The following PARD3 variants were observed in gnomAD, a reference collection of about 807,000 sequenced individuals.
PARD3 encodes par-3 family cell polarity regulator.
A neutral mutation model predicts 155.4 loss-of-function variants in PARD3; 75 were observed. The observed-to-expected ratio is 0.48, with a 90% CI of 0.40 to 0.58. The LOEUF (loss-of-function observed/expected upper bound fraction) is 0.58. Among genes scored for constraint, PARD3 ranks in the 20% least tolerant of loss-of-function variants. PARD3 has a pLI of 0.00. For synonymous variants in PARD3, 576 were observed against 610.5 expected (o/e 0.94, Z 0.83); for missense variants, 1,642 against 1,721.7 (o/e 0.95, Z 0.82).
chr10:34,419,801 T>C (rs1395318057), intron 5 of PARD3, among the ~76,000 whole-genome samples: 3 of 152,230 alleles, frequency 2.0e-5, no homozygotes, highest in African/African-American at 7.2e-5. Flanking sequence ...TATTATTTTA[T>C]ACATAGGACA....
At chr10:34,635,422 G>A (rs1296315649) in intron 2 of PARD3, among the ~76,000 whole-genome samples, 1 of 152,162 alleles carries the variant, frequency 6.6e-6, no homozygotes, top group Admixed American at 6.5e-5. Context: ...TCCCCACATG[G>A]GAAAGTTTCT....
intron 3 of PARD3, among the ~76,000 whole-genome samples, chr10:34,472,945 C>T (rs1223248145): frequency 6.6e-6 from 1 of 152,156 alleles, no homozygotes; most frequent in Non-Finnish European, 1.5e-5. Context: ...TGTTAGTCTG[C>T]AACAGACAGA....
chr10:34,517,063 C>T lies in PARD3; in HGVS notation c.319G>A (p.Glu107Lys), dbSNP rs1412772209. 6.8e-6 allele frequency: 11 copies of T among 1,614,084 alleles called. No homozygotes were observed. Among genetic ancestry groups the T allele is most frequent in the Non-Finnish European group, 9.3e-6 (11 of 1,180,032 alleles). The change falls in exon 3 of 25, where the codon GAG (glutamate) becomes AAG (lysine). Residue 107 changes from glutamate to lysine, a missense_variant. Glu to Lys is a moderately conservative substitution (Grantham distance 56). This residue lies in a region of PARD3 where 1,529 missense variants were observed against 1,587.3 expected (regional missense o/e 0.96). Coordinates refer to ENST00000374788, the MANE Select transcript of PARD3 (RefSeq NM_001184785.2). ...GTQSPEIFGS[E>K]LGTNNVSAFQ... ...GCTGAGACATTGTTGGTGCCAAGCT[C>T]ACTACCAAATATCTCTGGGCTCTGG...
chr10:34,214,463 C>T (rs954866553), intron 22 of PARD3, among the ~76,000 whole-genome samples: 2 of 152,056 alleles, frequency 1.3e-5, no homozygotes. Flanking sequence ...TGGTGATGCC[C>T]GTTTCTGGGC....
chr10:34,437,797 G>A (rs912454314), intron 5 of PARD3, among the ~76,000 whole-genome samples: 5 of 152,068 alleles, frequency 3.3e-5, no homozygotes, highest in African/African-American at 4.8e-5. Flanking sequence ...CAAATGGTTT[G>A]TTCAAATATT....
At chr10:34,776,160 G>T (rs1839504952) in intron 1 of PARD3, among the ~76,000 whole-genome samples, 1 of 152,138 alleles carries the variant, frequency 6.6e-6, no homozygotes, top group African/African-American at 2.4e-5. Context: ...AAAAAGAATT[G>T]ATCAGTTAGG....
chr10:34,769,208 T>C (rs867208882), intron 1 of PARD3, among the ~76,000 whole-genome samples: 2 of 152,206 alleles, frequency 1.3e-5, no homozygotes, highest in Admixed American at 6.5e-5. Context: ...TCTAGGATGC[T>C]GGCAGACCTC....
chr10:34,586,704 T>C (rs989533285), intron 2 of PARD3, among the ~76,000 whole-genome samples: 14 of 152,182 alleles, frequency 9.2e-5, no homozygotes, highest in African/African-American at 3.4e-4. Flanking sequence ...CCCAACACTT[T>C]GGGAGGCCGA....
chr10:34,307,897 A>G (rs1369860738), intron 20 of PARD3, among the ~76,000 whole-genome samples: 1 of 152,208 alleles, frequency 6.6e-6, no homozygotes, highest in African/African-American at 2.4e-5. Context: ...TAGCTCAGGT[A>G]GGAGTGCAAA....
At chr10:34,448,327 G>GA (rs34058630) in intron 5 of PARD3, among the ~76,000 whole-genome samples, 45,239 of 144,240 alleles carry the variant, frequency 0.31, 7,032 homozygotes, top group East Asian at 0.43. Context: ...TGGAATCTTG[G>GA]AAAAAAAAAA....
chr10:34,597,739 G>A (rs954268377), intron 2 of PARD3, among the ~76,000 whole-genome samples: 1 of 152,206 alleles, frequency 6.6e-6, no homozygotes, highest in African/African-American at 2.4e-5. Flanking sequence ...GATCGGAAGA[G>A]GAGAAGATGA....
At chr10:34,663,652 G>C (rs930791611) in intron 2 of PARD3, among the ~76,000 whole-genome samples, 4 of 152,136 alleles carry the variant, frequency 2.6e-5, no homozygotes, top group African/African-American at 7.2e-5. Context: ...AGATGGAGCT[G>C]ACAGGCCCAC....
chr10:34,457,865 T>C (rs1323737722), intron 4 of PARD3, among the ~76,000 whole-genome samples: 1 of 152,138 alleles, frequency 6.6e-6, no homozygotes, highest in Admixed American at 6.5e-5. Flanking sequence ...CCTCCCAAAG[T>C]ATGGAATTAT....
At chr10:34,401,039 C>A (rs1289128893) in intron 6 of PARD3, among the ~76,000 whole-genome samples, 2 of 152,116 alleles carry the variant, frequency 1.3e-5, no homozygotes, top group African/African-American at 4.8e-5. Flanking sequence ...CAGCATCTGA[C>A]TCTAGTGCCT....
chr10:34,691,662 G>A (rs938103168), intron 2 of PARD3, among the ~76,000 whole-genome samples: 5 of 152,174 alleles, frequency 3.3e-5, no homozygotes, highest in Non-Finnish European at 5.9e-5. Context: ...GAACAAAGCT[G>A]GAGGCATCAC....
intron 14 of PARD3, among the ~76,000 whole-genome samples, chr10:34,355,937 A>AC (rs1564622351): frequency 4.5e-4 from 60 of 132,058 alleles, no homozygotes; most frequent in African/African-American, 2.2e-3. Flanking sequence ...AAAAAAAAAA[A>AC]AAAAAAAAAC....
At chr10:34,688,889 C>T (rs1026270655) in intron 2 of PARD3, among the ~76,000 whole-genome samples, 7 of 152,286 alleles carry the variant, frequency 4.6e-5, no homozygotes, top group African/African-American at 7.2e-5. Flanking sequence ...AAATTCACAA[C>T]GACCAAGTAT....
chr10:34,780,179 T>C (rs1379768277), intron 1 of PARD3, among the ~76,000 whole-genome samples: 1 of 152,240 alleles, frequency 6.6e-6, no homozygotes, highest in Non-Finnish European at 1.5e-5. Flanking sequence ...AAAAAATTAA[T>C]TTGCTCTTGA....
chr10:34,552,896 A>G (rs1264439354), intron 2 of PARD3, among the ~76,000 whole-genome samples: 1 of 152,214 alleles, frequency 6.6e-6, no homozygotes, highest in Non-Finnish European at 1.5e-5. Context: ...TGCATTTAAA[A>G]CTGTAATTAC....
Sources: allele counts gnomAD v4.1 joint callset (sites outside exome capture counted in the v4.1 genomes callset), GRCh38; gene constraint gnomAD v4.1.1; regional missense constraint gnomAD v4.1.1; transcripts MANE v1.5; gene names NCBI Gene and HGNC (gene_info 2026-07-23, HGNC 2026-07-21).